Variants in SGCZ observed in about 807,000 individuals in gnomAD.
SGCZ encodes sarcoglycan zeta.
Under a neutral mutation model 41.3 loss-of-function variants are expected in SGCZ, and 40 were observed. The ratio of observed to expected loss-of-function variants is 0.97; its 90% CI spans 0.75 to 1.26. The LOEUF is 1.26. SGCZ is among the 50% of genes most tolerant of loss of function. SGCZ has a pLI of 0.00. For missense variants in SGCZ, 552 were observed against 369.8 expected (o/e 1.49, Z -4.04); for synonymous variants, 206 against 137.5 (o/e 1.50, Z -3.49).
chr8:14,884,609 G>T (rs1804722417), intron 1 of SGCZ, among the ~76,000 whole-genome samples: 1 of 151,646 alleles, frequency 6.6e-6, no homozygotes, highest in African/African-American at 2.4e-5. Context: ...GTTTTTAAAG[G>T]TTTCTCTGGA....
At chr8:15,237,524 G>T in intron 1 of SGCZ, 61 bp downstream of exon 1, 1 of 1,550,214 alleles carries the variant, frequency 6.5e-7, no homozygotes, top group Non-Finnish European at 8.8e-7. Flanking sequence ...CCGCGGGAAG[G>T]AGAGGGGAGA....
At chr8:14,583,551 T>C in intron 1 of SGCZ, among the ~76,000 whole-genome samples, 1 of 152,152 alleles carries the variant, frequency 6.6e-6, no homozygotes, top group Admixed American at 6.5e-5. Context: ...TGCCATTGCT[T>C]TTGATGTTTT....
At chr8:14,881,703 CCTGAACT>C (rs986483882) in intron 1 of SGCZ, among the ~76,000 whole-genome samples, 77 of 152,280 alleles carry the variant, frequency 5.1e-4, no homozygotes, top group African/African-American at 1.7e-3. Context: ...ATATTCAGGA[CCTGAACT>C]CAGCTCCAGA....
chr8:15,190,120 T>C (rs1010936521), intron 1 of SGCZ, among the ~76,000 whole-genome samples: 2 of 152,122 alleles, frequency 1.3e-5, no homozygotes, highest in Admixed American at 6.5e-5. Context: ...TGATGTCTGC[T>C]TTACCTGAAA....
chr8:15,062,796 G>C (rs1280175984), intron 1 of SGCZ, among the ~76,000 whole-genome samples: 1 of 152,052 alleles, frequency 6.6e-6, no homozygotes, highest in Non-Finnish European at 1.5e-5. Context: ...ACAGTCTTAC[G>C]TATAGTAAAA....
At chr8:14,969,180 A>T (rs1411539894) in intron 1 of SGCZ, among the ~76,000 whole-genome samples, 1 of 152,110 alleles carries the variant, frequency 6.6e-6, no homozygotes, top group Non-Finnish European at 1.5e-5. Flanking sequence ...TTTGGGCTTA[A>T]AATCCAATAT....
chr8:14,940,735 T>A (rs1800246092), intron 1 of SGCZ, among the ~76,000 whole-genome samples: 1 of 151,918 alleles, frequency 6.6e-6, no homozygotes, highest in Admixed American at 6.6e-5. Context: ...TGACCATATA[T>A]GAATGAAGTG....
At chr8:14,658,163 C>A (rs1047930493) in intron 1 of SGCZ, among the ~76,000 whole-genome samples, 2 of 152,190 alleles carry the variant, frequency 1.3e-5, no homozygotes, top group African/African-American at 4.8e-5. Flanking sequence ...CAACTTCATT[C>A]TTTCAATTCC....
intron 2 of SGCZ, among the ~76,000 whole-genome samples, chr8:14,444,138 C>A (rs892041643): frequency 3.3e-5 from 5 of 152,002 alleles, no homozygotes; most frequent in African/African-American, 9.7e-5. Context: ...GTTAGAATGG[C>A]GATCATTAAA....
At chr8:15,074,349 C>A (rs1805457066) in intron 1 of SGCZ, among the ~76,000 whole-genome samples, 1 of 152,144 alleles carries the variant, frequency 6.6e-6, no homozygotes. Flanking sequence ...TGTCGTGCAG[C>A]TGGCAGTATG....
intron 2 of SGCZ, among the ~76,000 whole-genome samples, chr8:14,516,560 C>G (rs1319151617): frequency 6.6e-6 from 1 of 151,996 alleles, no homozygotes; most frequent in Non-Finnish European, 1.5e-5. Flanking sequence ...TGACCTGTTT[C>G]TTTTCACAAA....
At chr8:14,429,604 T>G (rs1416676569) in intron 2 of SGCZ, among the ~76,000 whole-genome samples, 1 of 152,186 alleles carries the variant, frequency 6.6e-6, no homozygotes, top group African/African-American at 2.4e-5. Flanking sequence ...AATATCTTCT[T>G]TGCAGATGAA....
chr8:15,191,873 A>T (rs1391649732), intron 1 of SGCZ, among the ~76,000 whole-genome samples: 1 of 152,072 alleles, frequency 6.6e-6, no homozygotes, highest in African/African-American at 2.4e-5. Flanking sequence ...GAAGAAAAAT[A>T]TTAAACTTTT....
intron 1 of SGCZ, among the ~76,000 whole-genome samples, chr8:15,049,592 G>A (rs561727710): frequency 6.6e-6 from 1 of 152,134 alleles, no homozygotes; most frequent in African/African-American, 2.4e-5. Flanking sequence ...ATTAGGCAGA[G>A]ATATGTACTG....
intron 2 of SGCZ, among the ~76,000 whole-genome samples, chr8:14,343,397 T>G (rs1249841568): frequency 2.6e-5 from 4 of 152,124 alleles, no homozygotes; most frequent in Admixed American, 2.6e-4. Context: ...CCTGTAACAT[T>G]TAATTCCAGG....
intron 1 of SGCZ, among the ~76,000 whole-genome samples, chr8:14,865,531 G>A (rs987682696): frequency 6.6e-6 from 1 of 151,970 alleles, no homozygotes; most frequent in Admixed American, 6.6e-5. Flanking sequence ...GGAAGCGTGG[G>A]GTATCTGTTT....
chr8:15,144,521 G>C (rs1798985290), intron 1 of SGCZ, among the ~76,000 whole-genome samples: 1 of 151,616 alleles, frequency 6.6e-6, no homozygotes, highest in East Asian at 1.9e-4. Context: ...CTTCAGTGCA[G>C]TGGAGCCACC....
chr8:14,375,548 A>G (rs991010562), intron 2 of SGCZ, among the ~76,000 whole-genome samples: 2 of 152,210 alleles, frequency 1.3e-5, no homozygotes, highest in African/African-American at 4.8e-5. Context: ...TTGCAATGTA[A>G]TAATATTTAA....
intron 2 of SGCZ, among the ~76,000 whole-genome samples, chr8:14,326,798 A>G (rs1397908082): frequency 6.6e-6 from 1 of 152,168 alleles, no homozygotes; most frequent in African/African-American, 2.4e-5. Flanking sequence ...TTACATTTTC[A>G]AAAATAAAAA....
Sources: allele counts gnomAD v4.1 joint callset (sites outside exome capture counted in the v4.1 genomes callset), GRCh38; gene constraint gnomAD v4.1.1; transcripts MANE v1.5; gene names NCBI Gene and HGNC (gene_info 2026-07-23, HGNC 2026-07-21).